The following TINAG variants were observed in gnomAD, a reference collection of about 807,000 sequenced individuals.
The protein encoded by TINAG is tubulointerstitial nephritis antigen.
A neutral mutation model predicts 72.7 loss-of-function variants in TINAG; 83 were observed. The observed-to-expected ratio is 1.14, with a 90% confidence interval of 0.96 to 1.37. The LOEUF is 1.37. Ranked by LOEUF, TINAG falls within the 40% of genes most tolerant of loss-of-function variation. The probability of loss-of-function intolerance (pLI) is 0.00; values close to 1 mark genes in which losing one functional copy is unlikely to be tolerated. For missense variants in TINAG, 685 were observed against 576.6 expected (o/e 1.19, Z -1.93); for synonymous variants, 234 against 189.9 (o/e 1.23, Z -1.91).
At chr6:54,369,267 A>G (rs1402804915) in intron 9 of TINAG, among the ~76,000 whole-genome samples, 2 of 152,034 alleles carry the variant, frequency 1.3e-5, no homozygotes, top group South Asian at 2.1e-4. Context: ...TAAAAAGATG[A>G]CATTCAGTGA....
chr6:54,380,122 T>C (rs181982650), intron 9 of TINAG, among the ~76,000 whole-genome samples: 41 of 152,324 alleles, frequency 2.7e-4, no homozygotes, highest in African/African-American at 9.1e-4. Flanking sequence ...CTGTTTTTTA[T>C]GGCTGCATAG....
Position 54,347,476 on chromosome 6 carries a change from T to TG in TINAG, c.860dup (p.Ser288LysfsTer4). The TG allele has an allele frequency of 1.2e-6, 2 of 1,613,188 alleles. No homozygotes were observed. The highest frequency in any genetic ancestry group is 1.7e-6 in the Non-Finnish European group (2 of 1,179,484). ...CCAAGAACCGTCATGGATGCAATAG[T>TG]GGAAGCATCGATAGGGCTTGGTGGT... On this transcript the variant is annotated frameshift_variant, in exon 6 of 11. Coordinates refer to ENST00000259782, the MANE Select transcript of TINAG (RefSeq NM_014464.4). LOFTEE classifies it high-confidence loss of function.
intron 4 of TINAG, among the ~76,000 whole-genome samples, chr6:54,331,843 G>C (rs1049170454): frequency 6.6e-6 from 1 of 152,154 alleles, no homozygotes; most frequent in Admixed American, 6.5e-5. Flanking sequence ...AATCATGAGT[G>C]AACTCTCATT....
At chr6:54,376,795 T>C (rs13201270) in intron 9 of TINAG, among the ~76,000 whole-genome samples, 5 of 151,912 alleles carry the variant, frequency 3.3e-5, no homozygotes, top group African/African-American at 9.7e-5. Flanking sequence ...AGACTTTTCA[T>C]ATATATAAAA....
At chr6:54,333,424 A>G (rs184781807) in intron 4 of TINAG, among the ~76,000 whole-genome samples, 75 of 152,028 alleles carry the variant, frequency 4.9e-4, no homozygotes, top group South Asian at 1.7e-3. Context: ...CAATAAGGAC[A>G]TACGAGCACA....
At chr6:54,358,729 G>T (rs62412610) in intron 9 of TINAG, among the ~76,000 whole-genome samples, 6,011 of 151,728 alleles carry the variant, frequency 0.04, 178 homozygotes, top group Non-Finnish European at 0.063. Flanking sequence ...ACTACTCTTT[G>T]CCTTTCTTTT....
intron 4 of TINAG, among the ~76,000 whole-genome samples, chr6:54,333,873 T>G (rs1784801343): frequency 6.6e-6 from 1 of 152,046 alleles, no homozygotes; most frequent in South Asian, 2.1e-4. Flanking sequence ...TATGCCTTGA[T>G]GATTAGTAAA....
chr6:54,334,073 GA>G (rs1322254413), intron 4 of TINAG, among the ~76,000 whole-genome samples: 5 of 152,124 alleles, frequency 3.3e-5, no homozygotes, highest in African/African-American at 1.2e-4. Flanking sequence ...CTTGCACAAA[GA>G]AGTTTCTACC....
intron 5 of TINAG, among the ~76,000 whole-genome samples, chr6:54,345,487 A>T (rs1452133456): frequency 6.6e-6 from 1 of 152,142 alleles, no homozygotes; most frequent in South Asian, 2.1e-4. Flanking sequence ...AATCCTGGAG[A>T]CCAGGCTTCC....
chr6:54,389,103 C>T (rs1197580828), intron 10 of TINAG, among the ~76,000 whole-genome samples: 1 of 152,098 alleles, frequency 6.6e-6, no homozygotes, highest in Non-Finnish European at 1.5e-5. Flanking sequence ...TCATAACCTA[C>T]CATTCTGCTT....
intron 3 of TINAG, among the ~76,000 whole-genome samples, chr6:54,324,552 T>C (rs1416141634): frequency 1.3e-5 from 2 of 152,204 alleles, no homozygotes. Flanking sequence ...TTCTTTCTTA[T>C]GAACTCAAAA....
At chr6:54,324,962 C>T (rs1219713445) in intron 3 of TINAG, among the ~76,000 whole-genome samples, 2 of 152,068 alleles carry the variant, frequency 1.3e-5, no homozygotes, top group African/African-American at 4.8e-5. Flanking sequence ...TCTTTTATAC[C>T]GTTTTCAGCC....
chr6:54,389,942 C>T lies in TINAG; in HGVS notation c.*17C>T, dbSNP rs762214559. 1 of 1,605,210 alleles carries T rather than the reference C, an allele frequency of 6.2e-7. No individual in the cohort carries two copies. The highest frequency in any genetic ancestry group is 2.2e-5 in the East Asian group (1 of 44,590). ...GAACCATAACATATCATTAAATTTC[C>T]ATAAGGTCATGCCTTTAAGTAACCC... On this transcript the variant is annotated 3_prime_UTR_variant, in exon 11 of 11. Transcript: ENST00000259782.
chr6:54,315,033 A>G (rs1784340559), intron 1 of TINAG, among the ~76,000 whole-genome samples: 1 of 152,260 alleles, frequency 6.6e-6, no homozygotes, highest in East Asian at 1.9e-4. Flanking sequence ...GTACTACACA[A>G]TATTGAAAAA....
At chr6:54,319,892 C>A (rs953416008) in intron 1 of TINAG, among the ~76,000 whole-genome samples, 1 of 152,042 alleles carries the variant, frequency 6.6e-6, no homozygotes, top group Admixed American at 6.6e-5. Flanking sequence ...AAATTTTTAA[C>A]CAGAGCACTA....
At chr6:54,388,593 T>A (rs1764164630) in intron 10 of TINAG, among the ~76,000 whole-genome samples, 1 of 152,086 alleles carries the variant, frequency 6.6e-6, no homozygotes, top group Admixed American at 6.6e-5. Flanking sequence ...GTGTGAGAGC[T>A]GTTGAGGTGA....
Position 54,308,629 on chromosome 6 carries a change from A to G in TINAG, c.79A>G (p.Arg27Gly). ...GATGGAGAAGCAGTATTTATCTCAAAGAGAAGTGGACCTAGAGGCTTATTT... is the reference window on the plus strand; with the variant it reads ...GATGGAGAAGCAGTATTTATCTCAAGGAGAAGTGGACCTAGAGGCTTATTT... ...IWMEKQYLSQREVDLEAYFTR... is the reference protein window; with the variant it reads ...IWMEKQYLSQGEVDLEAYFTR... The change falls in exon 1 of 11, where the codon AGA becomes GGA. Residue 27 changes from arginine (R) to glycine (G), a missense_variant. Coordinates refer to ENST00000259782, the MANE Select transcript of TINAG (RefSeq NM_014464.4). The G allele has an allele frequency of 1.2e-6, 2 of 1,613,788 alleles. No individual in the cohort carries two copies. The highest frequency in any genetic ancestry group is 1.7e-6 in the Non-Finnish European group (2 of 1,179,826).
intron 4 of TINAG, among the ~76,000 whole-genome samples, chr6:54,327,796 T>C (rs1022247267): frequency 6.6e-6 from 1 of 152,168 alleles, no homozygotes; most frequent in East Asian, 1.9e-4. Flanking sequence ...TACTGAGGCT[T>C]GAGTAGGCGG....
rs70983416 is a variant in TINAG at position 54,371,110 on chromosome 6, C to CTGTGTGTGTG, written c.1251-9396_1251-9387dup. Among the ~76,000 whole-genome samples the CTGTGTGTGTG allele has an allele frequency of 5.0e-3, 746 of 149,080 alleles. 7 individuals carry two copies. The highest frequency in any genetic ancestry group is 0.018 in the African/African-American group (714 of 40,594). On this transcript the variant is annotated intron_variant, in intron 9 of 10. Coordinates refer to ENST00000259782, the MANE Select transcript of TINAG (RefSeq NM_014464.4). ...TCCAAAAAAATGTCACTTACGAAAA[C>CTGTGTGTGTG]TGTGTGTGTGTGTGTGTGTGTGTGT...
Sources: allele counts gnomAD v4.1 joint callset (sites outside exome capture counted in the v4.1 genomes callset), GRCh38; gene constraint gnomAD v4.1.1; transcripts MANE v1.5; gene names NCBI Gene and HGNC (gene_info 2026-07-23, HGNC 2026-07-21).